The following ZNF556 variants were observed in gnomAD, a reference collection of about 807,000 sequenced individuals.
ZNF556 encodes zinc finger protein 556.
In ZNF556, 11 loss-of-function variants were observed where a neutral mutation model predicts 13.6. The observed-to-expected ratio is 0.81, with a 90% CI of 0.51 to 1.33. The LOEUF (loss-of-function observed/expected upper bound fraction) is 1.33. Ranked by LOEUF, ZNF556 falls within the 40% of genes most tolerant of loss-of-function variation. The probability of loss-of-function intolerance (pLI) is 0.00; values close to 1 mark genes in which losing one functional copy is unlikely to be tolerated. For missense variants in ZNF556, 633 were observed against 566.2 expected, an observed-to-expected ratio of 1.12 and a Z score of -1.20; for synonymous variants, 229 against 207.8, an observed-to-expected ratio of 1.10 and a Z score of -0.88.
chr19:2,873,727 GA>G, intron 2 of ZNF556, 105 bp downstream of exon 2: 1 of 1,361,796 alleles, frequency 7.3e-7, no homozygotes, highest in Non-Finnish European at 1.0e-6. Flanking sequence ...GCTAAGGCAG[GA>G]GGATCACTTG....
intron 2 of ZNF556, chr19:2,875,535 T>A (rs2087844242): frequency 2.4e-5 from 4 of 167,684 alleles, no homozygotes; most frequent in Non-Finnish European, 4.0e-5. Flanking sequence ...TCCCTTTGGT[T>A]CTGGAGACCC....
Position 2,879,043 on chromosome 19 carries a change from C to T in ZNF556, c.*714C>T, listed in dbSNP as rs894334564. The T allele has an allele frequency of 1.3e-5, 2 of 152,076 alleles. No homozygotes were observed. Among genetic ancestry groups the T allele is most frequent in the African/African-American group, 2.4e-5 (1 of 41,388 alleles). 9.4% of individuals were successfully genotyped at this position (152,076 alleles called of 1,614,324 possible). A position where few individuals can be genotyped will look rare whatever the true frequency, so the allele number is the denominator to read the frequency against. On this transcript the variant is annotated 3_prime_UTR_variant, in exon 4 of 4. Transcript: ENST00000307635. ...GTTTGTTGACATTTTCTGACTGGCC[C>T]TGTGTGTTCCAAGCTGGATATTACT...
chr19:2,876,998 T>C (rs1305800021), intron 3 of ZNF556, among the ~76,000 whole-genome samples: 1 of 151,482 alleles, frequency 6.6e-6, no homozygotes, highest in Admixed American at 6.6e-5. Context: ...GGGTCACCTG[T>C]GGTGAGGAGT....
rs57053138 is a variant in ZNF556, at chr19:2,882,531, A to ATATATATATATAGTGTGTGT, written c.*4202_*4203insTATATATATATAGTGTGTGT. 1.2e-4 allele frequency: 15 copies of ATATATATATATAGTGTGTGT among 127,718 alleles called. No homozygotes were observed. The highest frequency in any genetic ancestry group is 3.6e-4 in the African/African-American group (12 of 32,938). The allele number at this position is 127,718 out of a possible 1,614,324, so 7.9% of individuals were successfully genotyped here. On this transcript the variant is annotated 3_prime_UTR_variant, in exon 4 of 4. Transcript: ENST00000307635. ...ATACATTTTATATATATATATATAT[A>ATATATATATATAGTGTGTGT]GTGTGTGTGTGTGTGTGTGTGTGTG... is the stretch of plus-strand genomic sequence containing the variant.
At position 2,879,754 on chromosome 19, in the gene ZNF556, G is replaced by GGT. The variant is rs1333954239; in HGVS notation, c.*1426_*1427insTG. The GGT allele has an allele frequency of 6.6e-6, 1 of 150,388 alleles. No homozygotes were observed. The allele number at this position is 150,388 out of a possible 1,614,324, so 9.3% of individuals were successfully genotyped here. On this transcript the variant is annotated 3_prime_UTR_variant, in exon 4 of 4. Transcript: ENST00000307635. ...ATAAAAACACAGGGGATTGCGGCTG[G>GGT]GCGCGGTGACTCACGCCTGTAATCC...
At chr19:2,871,711 C>G (rs893570601) in intron 1 of ZNF556, among the ~76,000 whole-genome samples, 11 of 152,136 alleles carry the variant, frequency 7.2e-5, no homozygotes, top group Non-Finnish European at 1.5e-5. Context: ...GTGGGTTTCT[C>G]CCCATGTGCA....
At chr19:2,867,515 C>T (rs981405092) in intron 1 of ZNF556, 91 bp downstream of exon 1, 42 of 1,537,432 alleles carry the variant, frequency 2.7e-5, no homozygotes, top group South Asian at 3.6e-5. Context: ...CCGGGGGAGC[C>T]GCCCGGAACC....
At chr19:2,876,547 C>T (rs1408588961) in intron 3 of ZNF556, among the ~76,000 whole-genome samples, 2 of 151,828 alleles carry the variant, frequency 1.3e-5, no homozygotes, top group East Asian at 1.9e-4. Context: ...TGGTGAAACC[C>T]TGTCTCTACT....
chr19:2,876,219 A>C lies in ZNF556; in HGVS notation c.257A>C (p.Lys86Thr), dbSNP rs1418961080. Residue 86 changes from lysine (K) to threonine (T), a missense_variant, in exon 3 of 4, where the codon AAA (lysine) becomes ACA (threonine). Coordinates refer to ENST00000307635, the MANE Select transcript of ZNF556 (RefSeq NM_024967.3). Reference protein sequence around the residue: ...RKNIWASLLGKNWEEHSVKDK... With the variant: ...RKNIWASLLGTNWEEHSVKDK... ...AATATATGGGCCTCCCTTTTAGGAAAAAATTGGGAAGAACATAGCGTTAAA... is the reference window on the plus strand; with the variant it reads ...AATATATGGGCCTCCCTTTTAGGAACAAATTGGGAAGAACATAGCGTTAAA... 6.2e-7 allele frequency: 1 copy of C among 1,609,848 alleles called. No homozygotes were observed. Among genetic ancestry groups the C allele is most frequent in the Non-Finnish European group, 8.5e-7 (1 of 1,178,844 alleles).
chr19:2,880,224 T>C lies in ZNF556; in HGVS notation c.*1895T>C, dbSNP rs1330268696. 6.6e-6 allele frequency: 1 copy of C among 152,170 alleles called. No homozygotes were observed. Among genetic ancestry groups the C allele is most frequent in the Non-Finnish European group, 1.5e-5 (1 of 68,038 alleles). The allele number at this position is 152,170 out of a possible 1,614,324, so 9.4% of individuals were successfully genotyped here. A position where few individuals can be genotyped will look rare whatever the true frequency, so the allele number is the denominator to read the frequency against. ...CTGAATACAATCTCTCAGTATGTGTTCAGTTATTATGTTTGATTATGTATT... is the reference window on the plus strand; with the variant it reads ...CTGAATACAATCTCTCAGTATGTGTCCAGTTATTATGTTTGATTATGTATT... On this transcript the variant is annotated 3_prime_UTR_variant, in exon 4 of 4. Transcript: ENST00000307635.
At position 2,876,279 on chromosome 19, in the gene ZNF556, G is replaced by C; in HGVS notation, c.314+3G>C. Reference sequence around the variant, plus strand: ...AACACCAAGGAGAGACATTTGAGGTGAGTTGTACTTAGAAGAAAAAGGCAG... The same window carrying C: ...AACACCAAGGAGAGACATTTGAGGTCAGTTGTACTTAGAAGAAAAAGGCAG... On this transcript the variant is annotated splice_donor_region_variant and intron_variant, in intron 3 of 3. Coordinates refer to ENST00000307635, the MANE Select transcript of ZNF556 (RefSeq NM_024967.3). 1 of 1,579,010 alleles carries C rather than the reference G, an allele frequency of 6.3e-7. No individual in the cohort carries two copies. The highest frequency in any genetic ancestry group is 8.6e-7 in the Non-Finnish European group (1 of 1,168,264).
rs1434518848 is a variant in ZNF556, at chr19:2,880,363, C to T, written c.*2034C>T. ...TGTTTCTTAGAAATAGCCTATTTAA[C>T]TGAGTTTTTCAAATAAGTTGTATAC... On this transcript the variant is annotated 3_prime_UTR_variant, in exon 4 of 4. Transcript: ENST00000307635. The T allele has an allele frequency of 1.3e-5, 2 of 152,168 alleles. No individual in the cohort carries two copies. Among genetic ancestry groups the T allele is most frequent in the African/African-American group, 4.8e-5 (2 of 41,444 alleles). The allele number at this position is 152,168 out of a possible 1,614,324, so 9.4% of individuals were successfully genotyped here.
rs79181167 is a variant in ZNF556 at position 2,874,352 on chromosome 19, G to T, written c.130+730G>T. On this transcript the variant is annotated intron_variant, in intron 2 of 3. Transcript: ENST00000307635. The stretch of plus-strand genomic sequence containing the variant: ...GGGGAATACATTGGTTAATAAGACA[G>T]TTATAATCATTGATGTCCTGGACCT... Among the ~76,000 whole-genome samples the T allele has an allele frequency of 1.1e-3, 174 of 152,278 alleles. 5 individuals are homozygous for T. The East Asian group carries it at 0.031, about 27-fold the overall frequency.
intron 1 of ZNF556, among the ~76,000 whole-genome samples, chr19:2,872,012 C>T (rs1860351186): frequency 6.6e-6 from 1 of 152,184 alleles, no homozygotes; most frequent in Non-Finnish European, 1.5e-5. Context: ...GCCATTATTT[C>T]TGCTTATCAG....
chr19:2,873,500 C>G lies in ZNF556; in HGVS notation c.8C>G (p.Thr3Arg). 3 of 1,614,038 alleles carry G rather than the reference C, an allele frequency of 1.9e-6. No homozygotes were observed. The highest frequency in any genetic ancestry group is 2.5e-6 in the Non-Finnish European group (3 of 1,179,988). ...CACATATGTGGTTTGTTTTAGGACACAGTGGTCTTTGAAGACGTGGTTGTG... is the reference window on the plus strand; with the variant it reads ...CACATATGTGGTTTGTTTTAGGACAGAGTGGTCTTTGAAGACGTGGTTGTG... MD[T>R]VVFEDVVVDF... Residue 3 changes from threonine to arginine, a missense_variant, in exon 2 of 4, where the codon ACA becomes AGA. Physicochemically the swap from Thr to Arg is moderately conservative, Grantham distance 71. Coordinates refer to ENST00000307635, the MANE Select transcript of ZNF556 (RefSeq NM_024967.3).
In ZNF556 at chr19:2,878,467, A is replaced by C; in HGVS notation, c.*138A>C. ...AGGCGGATCACGAGGTCAGGAGATC[A>C]AGACCATCCTGGCTATGGTGAAACC... is the stretch of plus-strand genomic sequence containing the variant. On this transcript the variant is annotated 3_prime_UTR_variant, in exon 4 of 4. Coordinates refer to ENST00000307635, the MANE Select transcript of ZNF556 (RefSeq NM_024967.3). 2 of 771,922 alleles carry C rather than the reference A, an allele frequency of 2.6e-6. No homozygotes were observed. The highest frequency in any genetic ancestry group is 2.1e-6 in the Non-Finnish European group (1 of 487,154). The allele number at this position is 771,922 out of a possible 1,614,324, so 47.8% of individuals were successfully genotyped here. A position where few individuals can be genotyped will look rare whatever the true frequency, so the allele number is the denominator to read the frequency against.
rs184566216 is a variant in ZNF556 at position 2,873,542 on chromosome 19, A to C, written c.50A>C (p.Glu17Ala). Residue 17 changes from glutamate (E) to alanine (A), a missense_variant, in exon 2 of 4, where the codon GAG (glutamate) becomes GCG (alanine). Glu to Ala is a moderately radical substitution (Grantham distance 107). Transcript: ENST00000307635. ...GTGGTTGTGGATTTCACGCTGGAGGAGTGGGCCTTGCTGAATCCTGCTCAG... is the reference window on the plus strand; with the variant it reads ...GTGGTTGTGGATTTCACGCTGGAGGCGTGGGCCTTGCTGAATCCTGCTCAG... ...EDVVVDFTLE[E>A]WALLNPAQRK... 1.2e-6 allele frequency: 2 copies of C among 1,614,186 alleles called. No homozygotes were observed. Among genetic ancestry groups the C allele is most frequent in the African/African-American group, 1.3e-5 (1 of 75,048 alleles).
rs146297141 is a variant in ZNF556, at chr19:2,877,698, G to C, written c.740G>C (p.Arg247Pro). Residue 247 changes from arginine to proline, a missense_variant, in exon 4 of 4, where the codon CGC (arginine) becomes CCC (proline). Arg to Pro is a moderately radical substitution (Grantham distance 103, BLOSUM62 -2). Transcript: ENST00000307635. ...GGCTTCAGTTGTCCCAAATCCTTTCGCGCACATGTGATGATGCACGCCGGA... is the reference window on the plus strand; with the variant it reads ...GGCTTCAGTTGTCCCAAATCCTTTCCCGCACATGTGATGATGCACGCCGGA... ...GKGFSCPKSF[R>P]AHVMMHAGGR... 1.9e-6 allele frequency: 3 copies of C among 1,613,818 alleles called. No homozygotes were observed. The South Asian group carries it at 3.3e-5, about 18-fold the overall frequency.
At position 2,880,593 on chromosome 19, in the gene ZNF556, C is replaced by T. The variant is rs1832773372; in HGVS notation, c.*2264C>T. 6.6e-6 allele frequency: 1 copy of T among 152,048 alleles called. No homozygotes were observed. Among genetic ancestry groups the T allele is most frequent in the African/African-American group, 2.4e-5 (1 of 41,390 alleles). The allele number at this position is 152,048 out of a possible 1,614,324, so 9.4% of individuals were successfully genotyped here. On this transcript the variant is annotated 3_prime_UTR_variant, in exon 4 of 4. Transcript: ENST00000307635. ...GACCATCCTGGCTAACACGGTGAAA[C>T]CCCATCTCTACTAAAAATACAAAAT...
Sources: allele counts gnomAD v4.1 joint callset (sites outside exome capture counted in the v4.1 genomes callset), GRCh38; gene constraint gnomAD v4.1.1; transcripts MANE v1.5; gene names NCBI Gene and HGNC (gene_info 2026-07-23, HGNC 2026-07-21).